The following ARHGAP30 variants were observed in gnomAD, a reference collection of about 807,000 sequenced individuals.
ARHGAP30 encodes the protein Rho GTPase activating protein 30.
A neutral mutation model predicts 72.0 loss-of-function variants in ARHGAP30; 23 were observed. The ratio of observed to expected loss-of-function variants is 0.32; its 90% CI spans 0.23 to 0.45. The LOEUF is 0.45. ARHGAP30 is among the 20% of genes least tolerant of loss of function. The probability of loss-of-function intolerance (pLI) is 1.00; values close to 1 mark genes in which losing one functional copy is unlikely to be tolerated. For synonymous variants in ARHGAP30, 576 were observed against 528.2 expected (o/e 1.09, Z -1.24); for missense variants, 1,319 against 1,383.4 (o/e 0.95, Z 0.74).
chr1:161,051,631 G>T lies in ARHGAP30; in HGVS notation c.1103C>A (p.Ala368Glu). The change falls in exon 10 of 12, where the codon GCA (alanine) becomes GAA (glutamate). Residue 368 changes from alanine to glutamate, a missense_variant. Ala to Glu is a moderately radical substitution (Grantham distance 107, BLOSUM62 -1). Transcript: ENST00000368013. ...TGCCTCAGGCTCCTGTTCACCCTCT[G>T]CTGCCTCTATAGAATCGTTCTCCAA... ...ESLENDSIEA[A>E]EGEQEPEAEA... The T allele has an allele frequency of 1.9e-6, 3 of 1,613,288 alleles. No individual in the cohort carries two copies. Among genetic ancestry groups the T allele is most frequent in the Non-Finnish European group, 2.5e-6 (3 of 1,180,032 alleles).
intron 11 of ARHGAP30, 40 bp downstream of exon 11, chr1:161,049,384 G>C: frequency 6.3e-7 from 1 of 1,598,738 alleles, no homozygotes; most frequent in Non-Finnish European, 8.5e-7. Flanking sequence ...GTCCACCCTT[G>C]ACTCCATGCC....
rs775925131 is a variant in ARHGAP30, at chr1:161,049,001, C to T, written c.2020G>A (p.Glu674Lys). The change falls in exon 12 of 12, where the codon GAG becomes AAG. Residue 674 changes from glutamate (E) to lysine (K), a missense_variant. Transcript: ENST00000368013. ...EPGGRLDIRE[E>K]AEGSPETKVE... Reference sequence around the variant, plus strand: ...TTGGTCTCTGGACTTCCCTCTGCCTCTTCCCTGATGTCTAGCCTGCCTCCA... The same window carrying T: ...TTGGTCTCTGGACTTCCCTCTGCCTTTTCCCTGATGTCTAGCCTGCCTCCA... 1 of 1,613,916 alleles carries T rather than the reference C, an allele frequency of 6.2e-7. No homozygotes were observed. Among genetic ancestry groups the T allele is most frequent in the African/African-American group, 1.3e-5 (1 of 75,034 alleles).
rs374659361 is a variant in ARHGAP30 at position 161,052,447 on chromosome 1, C to T, written c.933G>A (p.Glu311=). The T allele has an allele frequency of 1.2e-5, 19 of 1,613,986 alleles. No homozygotes were observed. In the East Asian group the frequency reaches 1.6e-4, roughly 13 times the overall value. ...CCATCTCCCCAGACTTACCCCTGTC[C>T]TCAGCCCCCCGTGGAAGTTTACGCT... ...ETKRKLPRGA[E]DREDKSNKGT... Residue 311 remains glutamate (E), a synonymous_variant, in exon 8 of 12, where the codon GAG becomes GAA. Transcript: ENST00000368013.
rs1460231261 is a variant in ARHGAP30, at chr1:161,069,002, T to G, written c.97+526A>C. ...TTGTTTCCAGCCCGACATCATCCCC[T>G]GCGGCCCAGCAAGGCTGCAGTGGGA... is the stretch of plus-strand genomic sequence containing the variant. On this transcript the variant is annotated intron_variant, in intron 1 of 11. Transcript: ENST00000368013. This position sits in a 1 kb window ranked among gnomAD's most constrained non-coding sequence, Gnocchi z 4.9. Among the ~76,000 whole-genome samples the G allele has an allele frequency of 1.3e-5, 2 of 152,104 alleles. No homozygotes were observed. Among genetic ancestry groups the G allele is most frequent in the Non-Finnish European group, 2.9e-5 (2 of 68,008 alleles).
chr1:161,057,326 T>G lies in ARHGAP30; in HGVS notation c.201-794A>C, dbSNP rs893509778. On this transcript the variant is annotated intron_variant, in intron 2 of 11. Transcript: ENST00000368013. ...CCACCACCATGCCCGGCTAAACAAA[T>G]AAGCCAAATTTTTAAACAGGCAAAG... Among the ~76,000 whole-genome samples the G allele has an allele frequency of 2.6e-5, 4 of 151,634 alleles. No homozygotes were observed. The South Asian group carries it at 8.4e-4, about 32-fold the overall frequency.
At chr1:161,066,105 T>C (rs2101640510) in intron 1 of ARHGAP30, among the ~76,000 whole-genome samples, 1 of 151,124 alleles carries the variant, frequency 6.6e-6, no homozygotes, top group East Asian at 2.0e-4. Flanking sequence ...CCTCAAGTGA[T>C]CCACCCGCCT....
At chr1:161,049,831 C>T (rs11588189) in intron 10 of ARHGAP30, 142 bp from the exon 11 acceptor site, 355,498 of 1,156,068 alleles carry the variant, frequency 0.31, 57,976 homozygotes, top group Non-Finnish European at 0.34. Context: ...AGACCAATGT[C>T]CCTAGTTATT....
rs1037432398 is a variant in ARHGAP30 at position 161,056,669 on chromosome 1, C to T, written c.201-137G>A. 5.5e-6 allele frequency: 5 copies of T among 902,532 alleles called. No individual in the cohort carries two copies. In the East Asian group the frequency reaches 1.1e-4, roughly 19 times the overall value. The allele number at this position is 902,532 out of a possible 1,614,324, so 55.9% of individuals were successfully genotyped here. ...TGGAAGGAGAATGTTGGGACACGTA[C>T]ACATGTAAGCCAGTAAGTATAAGAT... On this transcript the variant is annotated intron_variant, in intron 2 of 11. Transcript: ENST00000368013.
rs1650923506 is a variant in ARHGAP30, at chr1:161,047,376, C to G, written c.*339G>C. On this transcript the variant is annotated 3_prime_UTR_variant, in exon 12 of 12. Coordinates refer to ENST00000368013, the MANE Select transcript of ARHGAP30 (RefSeq NM_001025598.2). ...GGCTTTCATGAAGAGAGATTCACAG[C>G]TCAGAGGAAGGGAGGAATTTCTCCA... is the stretch of plus-strand genomic sequence containing the variant. 5.5e-6 allele frequency: 1 copy of G among 180,360 alleles called. No individual in the cohort carries two copies. The highest frequency in any genetic ancestry group is 2.4e-5 in the African/African-American group (1 of 42,316). 11.2% of individuals were successfully genotyped at this position (180,360 alleles called of 1,614,324 possible).
chr1:161,059,703 T>G lies in ARHGAP30; in HGVS notation c.111A>C (p.Leu37=), dbSNP rs747124289. ...QHSGQEVPQV[L]KSCAEFVEEY... ...CCTCCACAAATTCTGCACAGCTCTT[T>G]AGCACCTGGGGCACTGGGGACACAG... The change falls in exon 2 of 12, where the codon CTA becomes CTC. Residue 37 remains leucine (L), a synonymous_variant. Coordinates refer to ENST00000368013, the MANE Select transcript of ARHGAP30 (RefSeq NM_001025598.2). 1 of 1,613,064 alleles carries G rather than the reference T, an allele frequency of 6.2e-7. No individual in the cohort carries two copies. Among genetic ancestry groups the G allele is most frequent in the Non-Finnish European group, 8.5e-7 (1 of 1,179,418 alleles).
At chr1:161,049,786 TC>T in intron 10 of ARHGAP30, 97 bp from the exon 11 acceptor site, 1 of 1,456,792 alleles carries the variant, frequency 6.9e-7, no homozygotes, top group East Asian at 2.3e-5. Context: ...GGCCCAGCAC[TC>T]CCAGCATTGC....
chr1:161,051,545 G>A lies in ARHGAP30; in HGVS notation c.1189C>T (p.Arg397Trp), dbSNP rs776609904. 37 of 1,614,036 alleles carry A rather than the reference G, an allele frequency of 2.3e-5. No individual in the cohort carries two copies. The highest frequency in any genetic ancestry group is 3.3e-4 in the Middle Eastern group (2 of 6,084). ...TCTGCACGGCTGCTGCCCCCAGCCCGGATGGCTGACCGCCCAGCTCGTGGT... is the reference window on the plus strand; with the variant it reads ...TCTGCACGGCTGCTGCCCCCAGCCCAGATGGCTGACCGCCCAGCTCGTGGT... ...GTPRAGRSAI[R>W]AGGSSRAERC... The change falls in exon 10 of 12, where the codon CGG becomes TGG. Residue 397 changes from arginine (R) to tryptophan (W), a missense_variant. By Grantham distance (101) the Arg-to-Trp change is moderately radical. This residue lies in a region of ARHGAP30 where 1,097 missense variants were observed against 1,045.2 expected (regional missense o/e 1.05). Transcript: ENST00000368013.
intron 3 of ARHGAP30, 137 bp downstream of exon 3, chr1:161,056,251 T>C: frequency 7.9e-7 from 1 of 1,260,916 alleles, no homozygotes; most frequent in Non-Finnish European, 1.1e-6. Context: ...GAGGGGTCTT[T>C]TCCCCGGTAA....
rs561252698 is a variant in ARHGAP30, at chr1:161,069,005, G to A, written c.97+523C>T. Among the ~76,000 whole-genome samples the A allele has an allele frequency of 5.3e-5, 8 of 152,196 alleles. No individual in the cohort carries two copies. The highest frequency in any genetic ancestry group is 3.9e-4 in the East Asian group (2 of 5,170). Reference sequence around the variant, plus strand: ...TTTCCAGCCCGACATCATCCCCTGCGGCCCAGCAAGGCTGCAGTGGGAACA... The same window carrying A: ...TTTCCAGCCCGACATCATCCCCTGCAGCCCAGCAAGGCTGCAGTGGGAACA... On this transcript the variant is annotated intron_variant, in intron 1 of 11. Coordinates refer to ENST00000368013, the MANE Select transcript of ARHGAP30 (RefSeq NM_001025598.2). The surrounding 1 kb of genome is among the most constrained non-coding windows in gnomAD (Gnocchi z 4.9).
intron 1 of ARHGAP30, among the ~76,000 whole-genome samples, chr1:161,065,111 A>T (rs1223886982): frequency 6.6e-6 from 1 of 152,174 alleles, no homozygotes; most frequent in Non-Finnish European, 1.5e-5. Flanking sequence ...AGTAGCCAGG[A>T]CTACAGGTGC....
At chr1:161,064,162 G>T (rs886281605) in intron 1 of ARHGAP30, among the ~76,000 whole-genome samples, 4 of 152,182 alleles carry the variant, frequency 2.6e-5, no homozygotes, top group African/African-American at 9.7e-5. Flanking sequence ...GCTGGTTTTT[G>T]TGGCTTGTGG....
At chr1:161,050,543 C>T (rs2102031458) in intron 10 of ARHGAP30, among the ~76,000 whole-genome samples, 2 of 151,592 alleles carry the variant, frequency 1.3e-5, no homozygotes, top group Middle Eastern at 6.8e-3. Flanking sequence ...TCCTGACCTC[C>T]AGTGATCCAC....
chr1:161,053,604 G>A (rs1380296674), intron 5 of ARHGAP30, among the ~76,000 whole-genome samples: 1 of 151,780 alleles, frequency 6.6e-6, no homozygotes, highest in Non-Finnish European at 1.5e-5. Context: ...AGCCTTCTTG[G>A]ACACCCGCCT....
rs1363386926 is a variant in ARHGAP30, at chr1:161,049,214, C to T, written c.1807G>A (p.Glu603Lys). ...CTCAGGAAAACTTCCTCCCCATTTT[C>T]CTCCTCAACTTCAGGCCTGGGGCCA... ...SAGPRPEVEEENGEEVFLSAY... is the reference protein window; with the variant it reads ...SAGPRPEVEEKNGEEVFLSAY... Residue 603 changes from glutamate to lysine, a missense_variant, in exon 12 of 12, where the codon GAA (glutamate) becomes AAA (lysine). Around this residue, in one of 2 missense-constraint regions of ARHGAP30, gnomAD observed 1,097 missense variants for 1,045.2 expected, o/e 1.05. Transcript: ENST00000368013. The T allele has an allele frequency of 5.0e-6, 8 of 1,614,032 alleles. No individual in the cohort carries two copies. In the South Asian group the frequency reaches 7.7e-5, roughly 16 times the overall value.
Sources: gnomAD v4.1 joint callset for allele counts (sites outside exome capture counted in the v4.1 genomes callset) on GRCh38, gnomAD v4.1.1 for gene constraint, gnomAD v4.1.1 regional missense constraint, Gnocchi (gnomAD v3.1) non-coding constraint, MANE v1.5 for transcripts, NCBI Gene and HGNC (gene_info 2026-07-23, HGNC 2026-07-21) for gene names.